Variants in CLIC2 observed in about 807,000 individuals in gnomAD.
CLIC2 encodes chloride intracellular channel protein 2.
A neutral mutation model predicts 14.8 loss-of-function variants in CLIC2; 9 were observed. That is an observed-to-expected ratio of 0.61 (90% CI 0.37 to 1.06). The LOEUF (loss-of-function observed/expected upper bound fraction) is 1.06, where lower values mean the gene tolerates loss of function less well. Among genes scored for constraint, CLIC2 ranks in the 50% least tolerant of loss-of-function variants. The probability of loss-of-function intolerance (pLI) is 0.01; values close to 1 mark genes in which losing one functional copy is unlikely to be tolerated. For synonymous variants in CLIC2, 61 were observed against 66.3 expected (o/e 0.92, Z 0.39); for missense variants, 148 against 181.4 (o/e 0.82, Z 1.06).
chrX:155,295,369 AAAATAATAAAGGCTATATATG>A (rs2074988571), intron 3 of CLIC2, among the ~76,000 whole-genome samples: 1 of 111,429 alleles, frequency 9.0e-6, no homozygotes, highest in South Asian at 3.8e-4. Context: ...AAAATATGTC[AAAATAATAAAGGCTATATATG>A]ATAAACCCAC....
chrX:155,280,990 G>GATATATATATAT (rs373277985), intron 3 of CLIC2, among the ~76,000 whole-genome samples: 1,642 of 89,776 alleles, frequency 0.018, 16 homozygotes, highest in Non-Finnish European at 0.025. Context: ...GAAATTGTGA[G>GATATATATATAT]ATATATATAT....
At chrX:155,289,151 A>G (rs1263676631) in intron 3 of CLIC2, among the ~76,000 whole-genome samples, 1 of 111,219 alleles carries the variant, frequency 9.0e-6, no homozygotes, top group African/African-American at 3.3e-5. Flanking sequence ...TCTCAAAAAA[A>G]AAAAAAATGA....
At chrX:155,314,720 A>C (rs1345056405) in intron 1 of CLIC2, among the ~76,000 whole-genome samples, 1 of 112,156 alleles carries the variant, frequency 8.9e-6, no homozygotes, top group Non-Finnish European at 1.9e-5. Context: ...ATCCAAACCA[A>C]GATAAAATAC....
chrX:155,317,388 C>T lies in CLIC2; in HGVS notation c.57+16983G>A, dbSNP rs190721554. Among the ~76,000 whole-genome samples, 12 of 111,502 alleles carry T rather than the reference C, an allele frequency of 1.1e-4. No homozygotes were observed. The East Asian group carries it at 3.4e-3, about 31-fold the overall frequency. On this transcript the variant is annotated intron_variant, in intron 1 of 5. Transcript: ENST00000369449. ...GAAATGAGAGATATTACTACTGATA[C>T]GACAGAAATACAAAAAAATTATTTA...
intron 1 of CLIC2, among the ~76,000 whole-genome samples, chrX:155,320,979 C>T (rs782662826): frequency 3.6e-5 from 4 of 111,185 alleles, no homozygotes; most frequent in Admixed American, 9.6e-5. Context: ...TGAAGATCAA[C>T]TTAATGAAAT....
At chrX:155,315,569 C>T (rs1373814125) in intron 1 of CLIC2, among the ~76,000 whole-genome samples, 1 of 111,276 alleles carries the variant, frequency 9.0e-6, no homozygotes, top group Admixed American at 9.6e-5. Flanking sequence ...TGGGAGAATT[C>T]GCCACTACCA....
intron 3 of CLIC2, among the ~76,000 whole-genome samples, chrX:155,280,509 A>T (rs1224360968): frequency 9.0e-6 from 1 of 111,071 alleles, no homozygotes; most frequent in Non-Finnish European, 1.9e-5. Context: ...CCTGGCCAAC[A>T]TGGTGAAACC....
intron 1 of CLIC2, among the ~76,000 whole-genome samples, chrX:155,316,989 C>A (rs1360487956): frequency 9.0e-6 from 1 of 111,604 alleles, no homozygotes; most frequent in African/African-American, 3.3e-5. Flanking sequence ...GAAACACCCT[C>A]ACAGACACAC....
intron 3 of CLIC2, among the ~76,000 whole-genome samples, chrX:155,281,584 C>T (rs2124149706): frequency 9.0e-6 from 1 of 110,990 alleles, no homozygotes; most frequent in Admixed American, 9.6e-5. Flanking sequence ...TCCTCTCTTT[C>T]CTTCTAACTC....
chrX:155,286,063 A>T (rs1354146246), intron 3 of CLIC2, among the ~76,000 whole-genome samples: 3 of 111,551 alleles, frequency 2.7e-5, no homozygotes, highest in South Asian at 7.6e-4. Flanking sequence ...TGCTGTACAG[A>T]TTATTTCATC....
intron 4 of CLIC2, 82 bp from the exon 5 acceptor site, chrX:155,279,412 T>A: frequency 1.4e-6 from 1 of 713,332 alleles, no homozygotes; most frequent in Non-Finnish European, 2.2e-6. Flanking sequence ...TCCACACATT[T>A]AGACACCTCT....
chrX:155,280,059 G>T lies in CLIC2; in HGVS notation c.303C>A (p.His101Gln). 8.4e-7 allele frequency: 1 copy of T among 1,190,661 alleles called. No homozygotes were observed. Among genetic ancestry groups the T allele is most frequent in the Non-Finnish European group, 1.1e-6 (1 of 876,220 alleles). ...AAGACTCCTTGTACTTGGGACTCAGGTGAGGGTACCTTAAAAAGAAACATG... is the reference window on the plus strand; with the variant it reads ...AAGACTCCTTGTACTTGGGACTCAGTTGAGGGTACCTTAAAAAGAAACATG... ...EQTLAPPRYPHLSPKYKESFD... is the reference protein window; with the variant it reads ...EQTLAPPRYPQLSPKYKESFD... Residue 101 changes from histidine (H) to glutamine (Q), a missense_variant, in exon 4 of 6, where the codon CAC becomes CAA. Transcript: ENST00000369449.
intron 1 of CLIC2, among the ~76,000 whole-genome samples, chrX:155,316,165 T>G (rs2075094500): frequency 9.0e-6 from 1 of 111,287 alleles, no homozygotes; most frequent in South Asian, 3.7e-4. Flanking sequence ...ACAATAATAG[T>G]GGGGGACTTT....
At chrX:155,333,504 A>T (rs1175221000) in intron 1 of CLIC2, among the ~76,000 whole-genome samples, 1 of 110,726 alleles carries the variant, frequency 9.0e-6, no homozygotes, top group Non-Finnish European at 1.9e-5. Flanking sequence ...CAGGCACAAT[A>T]TGAGTTTGTT....
intron 1 of CLIC2, among the ~76,000 whole-genome samples, chrX:155,311,714 C>G (rs2075075002): frequency 1.8e-5 from 2 of 111,839 alleles, no homozygotes; most frequent in South Asian, 7.5e-4. Context: ...ATACCCGACA[C>G]TGGGCAATTT....
At position 155,276,599 on chromosome X, in the gene CLIC2, A is replaced by C. The variant is rs1189963280; in HGVS notation, c.*1304T>G. On this transcript the variant is annotated 3_prime_UTR_variant, in exon 6 of 6. Coordinates refer to ENST00000369449, the MANE Select transcript of CLIC2 (RefSeq NM_001289.6). Reference sequence around the variant, plus strand: ...AGATCAACTTTTTAAAATTCCACATATGAGTGAGATCAACTTTTTAAAATT... The same window carrying C: ...AGATCAACTTTTTAAAATTCCACATCTGAGTGAGATCAACTTTTTAAAATT... The C allele has an allele frequency of 9.0e-6, 1 of 111,636 alleles. No homozygotes were observed. The highest frequency in any genetic ancestry group is 1.9e-5 in the Non-Finnish European group (1 of 53,052). 9.2% of individuals were successfully genotyped at this position (111,636 alleles called of 1,213,427 possible). A position where few individuals can be genotyped will look rare whatever the true frequency, so the allele number is the denominator to read the frequency against.
intron 1 of CLIC2, among the ~76,000 whole-genome samples, chrX:155,328,821 T>C (rs1167426662): frequency 9.0e-6 from 1 of 110,676 alleles, no homozygotes; most frequent in Admixed American, 9.7e-5. Context: ...GATAAGTCTA[T>C]ACATTTACAA....
chrX:155,309,494 A>G, intron 1 of CLIC2: 1 of 215,993 alleles, frequency 4.6e-6, no homozygotes. Flanking sequence ...GTCTGTTTCC[A>G]TGCTGCTGAT....
At chrX:155,306,271 C>T (rs782507609) in intron 1 of CLIC2, among the ~76,000 whole-genome samples, 4 of 110,727 alleles carry the variant, frequency 3.6e-5, no homozygotes, top group Admixed American at 1.9e-4. Flanking sequence ...TTAGTTCCCT[C>T]GAGATCTGGT....
Sources: allele counts gnomAD v4.1 joint callset (sites outside exome capture counted in the v4.1 genomes callset), GRCh38; gene constraint gnomAD v4.1.1; transcripts MANE v1.5; gene names NCBI Gene and HGNC (gene_info 2026-07-23, HGNC 2026-07-21).